Variants in ZNF512B observed in about 807,000 individuals in gnomAD.
ZNF512B encodes the protein zinc finger protein 512B.
In ZNF512B, 22 loss-of-function variants were observed where a neutral mutation model predicts 87.8. That is an observed-to-expected ratio of 0.25 (90% CI 0.18 to 0.36). The LOEUF (loss-of-function observed/expected upper bound fraction) is 0.36. Among genes scored for constraint, ZNF512B ranks in the 10% least tolerant of loss-of-function variants. The pLI is 1.00. For missense variants in ZNF512B, 1,060 were observed against 1,231.6 expected (o/e 0.86, Z 2.09); for synonymous variants, 524 against 490.9 (o/e 1.07, Z -0.89).
Position 63,962,215 on chromosome 20 carries a change from A to G in ZNF512B, c.2265+58T>C. ...CCTCTGTTCCTGCTCAGAGGGCCAC[A>G]CCCAGGCTCTGGCCCTGTATGGCTC... On this transcript the variant is annotated intron_variant, in intron 14 of 16. Coordinates refer to ENST00000369888, the MANE Select transcript of ZNF512B (RefSeq NM_020713.3). 2.0e-6 allele frequency: 3 copies of G among 1,524,126 alleles called. No individual in the cohort carries two copies. The East Asian group carries it at 6.8e-5, about 34-fold the overall frequency. 94.4% of individuals were successfully genotyped at this position (1,524,126 alleles called of 1,614,324 possible).
chr20:63,967,325 G>C (rs760220166), intron 3 of ZNF512B, 56 bp downstream of exon 3: 10 of 1,537,728 alleles, frequency 6.5e-6, no homozygotes, highest in African/African-American at 1.4e-5. Flanking sequence ...GGGCAGGGCA[G>C]TGGCTGGATA....
chr20:63,960,939 T>C (rs2058844167), intron 16 of ZNF512B, among the ~76,000 whole-genome samples: 1 of 139,478 alleles, frequency 7.2e-6, no homozygotes, highest in Non-Finnish European at 1.5e-5. Context: ...AGCAGGGGGC[T>C]GGACACAGCC....
At chr20:63,967,101 C>T in intron 3 of ZNF512B, 97 bp from the exon 4 acceptor site, 5 of 1,550,176 alleles carry the variant, frequency 3.2e-6, no homozygotes, top group Non-Finnish European at 4.4e-6. Flanking sequence ...CTGCAGGGCA[C>T]ACACACCACA....
chr20:63,962,076 C>G, intron 14 of ZNF512B, 72 bp from the exon 15 acceptor site: 2 of 1,486,204 alleles, frequency 1.3e-6, no homozygotes, highest in Non-Finnish European at 1.8e-6. Flanking sequence ...CTGCCCTACC[C>G]CAGGGGATCT....
rs769204704 is a variant in ZNF512B, at chr20:63,967,489, G to A, written c.156C>T (p.Pro52=). The change falls in exon 3 of 17, where the codon CCC becomes CCT. Residue 52 remains proline (P), a synonymous_variant. Transcript: ENST00000369888. ...MPVVRGGQTV[P]GQAPLCFDPG... is the part of the protein sequence containing the mutation. ...GGTCAAAGCAGAGAGGGGCCTGGCC[G>A]GGCACTGTCTGTCCACCACGGACCA... The A allele has an allele frequency of 2.2e-5, 35 of 1,610,670 alleles. No homozygotes were observed. In the East Asian group the frequency reaches 3.3e-4, roughly 15 times the overall value.
In ZNF512B at chr20:63,967,540, A is replaced by G; in HGVS notation, c.122-17T>C. The G allele has an allele frequency of 6.3e-7, 1 of 1,579,048 alleles. No individual in the cohort carries two copies. The highest frequency in any genetic ancestry group is 8.6e-7 in the Non-Finnish European group (1 of 1,159,338). On this transcript the variant is annotated splice_polypyrimidine_tract_variant and intron_variant, in intron 2 of 16. Transcript: ENST00000369888. ...CCGGCATCCCTGCAGCACACAACACAGCAAGGCTCGGAAGCTGTGTAGCAC... is the reference window on the plus strand; with the variant it reads ...CCGGCATCCCTGCAGCACACAACACGGCAAGGCTCGGAAGCTGTGTAGCAC...
At position 63,964,123 on chromosome 20, in the gene ZNF512B, G is replaced by A. The variant is rs2058892553; in HGVS notation, c.1428C>T (p.Ala476=). Residue 476 remains alanine, a synonymous_variant, in exon 8 of 17, where the codon GCC becomes GCT. Coordinates refer to ENST00000369888, the MANE Select transcript of ZNF512B (RefSeq NM_020713.3). ...GTGCCTCCTTGCTGACAGTGATGGG[G>A]GCAGCTGGCACCTTCTTCCGGGCGT... ...PEDARKKVPA[A]PITVSKEAPA... 1 of 1,608,036 alleles carries A rather than the reference G, an allele frequency of 6.2e-7. No individual in the cohort carries two copies. The highest frequency in any genetic ancestry group is 1.7e-4 in the Middle Eastern group (1 of 5,918).
chr20:63,963,255 G>A lies in ZNF512B; in HGVS notation c.1808C>T (p.Ala603Val). The change falls in exon 12 of 17, where the codon GCT (alanine) becomes GTT (valine). Residue 603 changes from alanine to valine, a missense_variant. This residue lies in a region of ZNF512B where 165 missense variants were observed against 173.0 expected (regional missense o/e 0.95). Coordinates refer to ENST00000369888, the MANE Select transcript of ZNF512B (RefSeq NM_020713.3). Reference protein sequence around the residue: ...RLRCPQEGCGAAFSSLMGYQY... With the variant: ...RLRCPQEGCGVAFSSLMGYQY... The stretch of plus-strand genomic sequence containing the variant: ...GTAGCCCATGAGGCTGGAGAAGGCA[G>A]CCCCGCAACCCTGGGGGTCAGGCCA... The A allele has an allele frequency of 6.5e-7, 1 of 1,546,102 alleles. No individual in the cohort carries two copies. Among genetic ancestry groups the A allele is most frequent in the Non-Finnish European group, 8.7e-7 (1 of 1,149,506 alleles).
intron 1 of ZNF512B, chr20:63,969,095 G>C (rs1422308980): frequency 1.0e-6 from 1 of 985,134 alleles, no homozygotes; most frequent in African/African-American, 1.7e-5. Flanking sequence ...GGGGAGGCCA[G>C]TGTCCGGGGA....
intron 14 of ZNF512B, 21 bp from the exon 15 acceptor site, chr20:63,962,025 G>C (rs1234182255): frequency 1.3e-6 from 2 of 1,550,500 alleles, no homozygotes; most frequent in African/African-American, 2.7e-5. Flanking sequence ...GGGAGCCGTG[G>C]GCGAAGGCCT....
chr20:63,966,604 G>A lies in ZNF512B; in HGVS notation c.571C>T (p.Pro191Ser), dbSNP rs769771132. Residue 191 changes from proline (P) to serine (S), a missense_variant, in exon 5 of 17, where the codon CCC (proline) becomes TCC (serine). Coordinates refer to ENST00000369888, the MANE Select transcript of ZNF512B (RefSeq NM_020713.3). The part of the protein sequence containing the change: ...TISRPVGVSK[P>S]IGVSKPVTIG... ...GTGACAGGTTTGCTCACTCCGATGG[G>A]CTTGCTGACCCCAACAGGCCGGCTG... The A allele has an allele frequency of 6.2e-7, 1 of 1,613,682 alleles. No individual in the cohort carries two copies. Among genetic ancestry groups the A allele is most frequent in the Non-Finnish European group, 8.5e-7 (1 of 1,179,984 alleles).
intron 2 of ZNF512B, 118 bp from the exon 3 acceptor site, chr20:63,967,641 G>A: frequency 4.0e-6 from 6 of 1,486,102 alleles, no homozygotes; most frequent in Non-Finnish European, 5.4e-6. Flanking sequence ...GGCAGGGGCT[G>A]CGGCCAGCTG....
Position 63,961,334 on chromosome 20 carries a change from T to C in ZNF512B, c.2402A>G (p.Tyr801Cys). 2 of 1,612,466 alleles carry C rather than the reference T, an allele frequency of 1.2e-6. No homozygotes were observed. Among genetic ancestry groups the C allele is most frequent in the Non-Finnish European group, 1.7e-6 (2 of 1,179,890 alleles). The change falls in exon 16 of 17, where the codon TAC (tyrosine) becomes TGC (cysteine). Residue 801 changes from tyrosine to cysteine, a missense_variant. Around this residue, in one of 9 missense-constraint regions of ZNF512B, gnomAD observed 253 missense variants for 259.2 expected, o/e 0.98. Coordinates refer to ENST00000369888, the MANE Select transcript of ZNF512B (RefSeq NM_020713.3). This position sits in a 1 kb window ranked among gnomAD's most constrained non-coding sequence, Gnocchi z 6.4. Reference protein sequence around the residue: ...KEFSSESGVKYHILKTHAENW... With the variant: ...KEFSSESGVKCHILKTHAENW... ...CTCTGCGTGGGTCTTCAGGATGTGG[T>C]ATTTGACGCCACTCTCAGAACTGAA...
chr20:63,963,092 C>G lies in ZNF512B; in HGVS notation c.1968+3G>C. On this transcript the variant is annotated splice_donor_region_variant and intron_variant, in intron 12 of 16. Coordinates refer to ENST00000369888, the MANE Select transcript of ZNF512B (RefSeq NM_020713.3). The stretch of plus-strand genomic sequence containing the variant: ...CTGTGCCACAGAACAGAGAGCCACT[C>G]ACGGGGGCCGTGTGCTCCGAGCGCA... The G allele has an allele frequency of 6.4e-7, 1 of 1,552,144 alleles. No individual in the cohort carries two copies. The highest frequency in any genetic ancestry group is 8.7e-7 in the Non-Finnish European group (1 of 1,155,456).
intron 12 of ZNF512B, 76 bp downstream of exon 12, chr20:63,963,019 G>C: frequency 6.9e-7 from 1 of 1,455,392 alleles, no homozygotes. Flanking sequence ...GACAAATACA[G>C]TTGGCACCCA....
chr20:63,960,421 A>C (rs1319377068), intron 16 of ZNF512B, among the ~76,000 whole-genome samples: 11 of 147,034 alleles, frequency 7.5e-5, no homozygotes, highest in Admixed American at 4.0e-4. Context: ...AAGCACCTGC[A>C]GCAGGGCTGG....
intron 1 of ZNF512B, among the ~76,000 whole-genome samples, 172 bp downstream of exon 1, chr20:63,969,642 G>T (rs1215054502): frequency 2.8e-5 from 4 of 145,218 alleles, no homozygotes; most frequent in Non-Finnish European, 1.5e-5. Flanking sequence ...TCTGGAGAAG[G>T]AGGAGGCAGG....
intron 14 of ZNF512B, 47 bp downstream of exon 14, chr20:63,962,226 G>T: frequency 6.5e-7 from 1 of 1,544,466 alleles, no homozygotes; most frequent in Non-Finnish European, 8.8e-7. Context: ...CCCAGGCTCT[G>T]GCCCTGTATG....
At chr20:63,962,032 G>T (rs1601475264) in intron 14 of ZNF512B, 28 bp from the exon 15 acceptor site, 1 of 1,549,564 alleles carries the variant, frequency 6.5e-7, no homozygotes, top group African/African-American at 1.4e-5. Context: ...GTGGGCGAAG[G>T]CCTCTGGTGG....
Sources: allele counts gnomAD v4.1 joint callset (sites outside exome capture counted in the v4.1 genomes callset), GRCh38; gene constraint gnomAD v4.1.1; regional missense constraint gnomAD v4.1.1; non-coding constraint Gnocchi (gnomAD v3.1); transcripts MANE v1.5; gene names NCBI Gene and HGNC (gene_info 2026-07-23, HGNC 2026-07-21).